Variants in KLHL22 observed in about 807,000 individuals in gnomAD.
KLHL22 encodes kelch like family member 22.
Under a neutral mutation model 60.7 loss-of-function variants are expected in KLHL22, and 18 were observed. The observed-to-expected ratio is 0.30, with a 90% CI of 0.20 to 0.44. The LOEUF is 0.44. Ranked by LOEUF, KLHL22 falls within the 20% of genes least tolerant of loss-of-function variation. KLHL22 has a pLI of 1.00. For missense variants in KLHL22, 596 were observed against 852.3 expected (o/e 0.70, Z 3.74); for synonymous variants, 355 against 354.5 (o/e 1.00, Z -0.01).
At chr22:20,483,609 G>T in intron 2 of KLHL22, 1 of 726,832 alleles carries the variant, frequency 1.4e-6, no homozygotes. Flanking sequence ...TCTCATACTT[G>T]ACTCTAAAGT....
At chr22:20,467,751 C>A (rs772441806) in intron 3 of KLHL22, among the ~76,000 whole-genome samples, 1 of 152,138 alleles carries the variant, frequency 6.6e-6, no homozygotes, top group Non-Finnish European at 1.5e-5. Flanking sequence ...CTCCGCCTCC[C>A]GGGTTCACGC....
chr22:20,451,105 C>G, intron 5 of KLHL22: 2 of 1,480,560 alleles, frequency 1.4e-6, no homozygotes, highest in Non-Finnish European at 1.9e-6. Context: ...CCTACATGAC[C>G]AGATCTACGT....
intron 3 of KLHL22, among the ~76,000 whole-genome samples, chr22:20,468,250 T>C (rs1036238766): frequency 1.3e-5 from 2 of 152,236 alleles, no homozygotes; most frequent in African/African-American, 2.4e-5. Context: ...AGACCAAGTT[T>C]TGGGCAGAAT....
At chr22:20,453,352 CA>C (rs1218955847) in intron 5 of KLHL22, among the ~76,000 whole-genome samples, 1 of 151,916 alleles carries the variant, frequency 6.6e-6, no homozygotes, top group Non-Finnish European at 1.5e-5. Context: ...GGTTGATATC[CA>C]TTTTTTTGCC....
chr22:20,486,166 CAAAAAA>C lies in KLHL22; in HGVS notation c.227+2813_227+2818del, dbSNP rs200248872. On this transcript the variant is annotated intron_variant, in intron 2 of 6. Coordinates refer to ENST00000328879, the MANE Select transcript of KLHL22 (RefSeq NM_032775.4). ...TGGGTGACAGAGTGAGATTCCGTCT[CAAAAAA>C]AAAAAAAAAAAAAGAAATTTATGTT... Among the ~76,000 whole-genome samples the C allele has an allele frequency of 2.6e-3, 215 of 82,612 alleles. 2 individuals are homozygous for C. Among genetic ancestry groups the C allele is most frequent in the East Asian group, 2.7e-3 (8 of 2,990 alleles). 54.2% of individuals were successfully genotyped at this position (82,612 alleles called of 152,430 possible).
chr22:20,450,834 G>T, intron 5 of KLHL22: 1 of 1,567,114 alleles, frequency 6.4e-7, no homozygotes, highest in Non-Finnish European at 8.8e-7. Context: ...TAGATGCTGA[G>T]CCTTTCATCC....
intron 5 of KLHL22, chr22:20,456,499 C>G (rs2053064786): frequency 6.6e-6 from 1 of 152,200 alleles, no homozygotes; most frequent in African/African-American, 2.4e-5. Flanking sequence ...CTAAGCCCCT[C>G]CCACAACACC....
At chr22:20,474,048 G>T (rs150330500) in intron 2 of KLHL22, among the ~76,000 whole-genome samples, 6 of 152,228 alleles carry the variant, frequency 3.9e-5, no homozygotes, top group Non-Finnish European at 8.8e-5. Flanking sequence ...TGCCTGGGCT[G>T]GAGTGCAGTG....
intron 2 of KLHL22, among the ~76,000 whole-genome samples, chr22:20,484,394 A>C (rs972444826): frequency 6.6e-6 from 1 of 152,108 alleles, no homozygotes; most frequent in African/African-American, 2.4e-5. Flanking sequence ...TCCCAGGCTC[A>C]AGCGATTCTT....
intron 5 of KLHL22, among the ~76,000 whole-genome samples, chr22:20,449,024 C>G (rs1300818417): frequency 6.6e-6 from 1 of 151,574 alleles, no homozygotes; most frequent in Non-Finnish European, 1.5e-5. Context: ...GTTTCTTCAA[C>G]TCTTTTGCCT....
chr22:20,467,409 C>T (rs2053251867), intron 3 of KLHL22, among the ~76,000 whole-genome samples: 1 of 152,184 alleles, frequency 6.6e-6, no homozygotes, highest in African/African-American at 2.4e-5. Context: ...TCACTCTATA[C>T]ATAAGTTCCC....
At chr22:20,447,538 G>GTTT (rs576880670) in intron 5 of KLHL22, among the ~76,000 whole-genome samples, 2 of 137,358 alleles carry the variant, frequency 1.5e-5, no homozygotes, top group East Asian at 2.9e-4. Flanking sequence ...GTCTGGGGAG[G>GTTT]TTTTTCTTTT....
chr22:20,443,390 G>T (rs2052796860), intron 6 of KLHL22, among the ~76,000 whole-genome samples: 1 of 152,066 alleles, frequency 6.6e-6, no homozygotes, highest in Non-Finnish European at 1.5e-5. Flanking sequence ...ACCCTGAGAT[G>T]GGGCAGTTTT....
rs77686432 is a variant in KLHL22 at position 20,462,059 on chromosome 22, T to C, written c.1112+2799A>G. On this transcript the variant is annotated intron_variant, in intron 4 of 6. Transcript: ENST00000328879. ...GTTGTGGTGAGCCAAGATTGCACCA[T>C]TGCACTCCAGCCTGGGCAGAAAACA... 4.5e-4 allele frequency among the ~76,000 whole-genome samples: 68 copies of C among 151,430 alleles called. 1 individual carries two copies. The East Asian group carries it at 0.012, about 26-fold the overall frequency.
At chr22:20,488,638 ATGCATACAC>A in intron 2 of KLHL22, 1 of 274,150 alleles carries the variant, frequency 3.6e-6, no homozygotes, top group East Asian at 1.0e-4. Context: ...CCAGAAGGTG[ATGCATACAC>A]AGCAATAATT....
At chr22:20,456,662 T>C (rs1361885358) in intron 5 of KLHL22, among the ~76,000 whole-genome samples, 1 of 152,256 alleles carries the variant, frequency 6.6e-6, no homozygotes, top group Non-Finnish European at 1.5e-5. Context: ...AGAGGCTTCC[T>C]TCTCCCCAAA....
At chr22:20,449,616 G>C (rs199517216) in intron 5 of KLHL22, among the ~76,000 whole-genome samples, 2 of 150,992 alleles carry the variant, frequency 1.3e-5, no homozygotes, top group East Asian at 4.0e-4. Flanking sequence ...GGCCAGGCTG[G>C]TCTCTGGTCT....
Position 20,442,610 on chromosome 22 carries a change from G to A in KLHL22, c.1540-172C>T, listed in dbSNP as rs541340015. Among the ~76,000 whole-genome samples the A allele has an allele frequency of 4.6e-5, 7 of 152,380 alleles. No homozygotes were observed. In the South Asian group the frequency reaches 1.0e-3, roughly 23 times the overall value. On this transcript the variant is annotated intron_variant, in intron 6 of 6. Coordinates refer to ENST00000328879, the MANE Select transcript of KLHL22 (RefSeq NM_032775.4). ...AAACATCCTGTCCATGGGCCAGGCT[G>A]CTGCTTTCTCACCCAGGGATGGCCG... is the stretch of plus-strand genomic sequence containing the variant.
chr22:20,493,367 G>C (rs1315058199), intron 1 of KLHL22: 1 of 396,248 alleles, frequency 2.5e-6, no homozygotes, highest in African/African-American at 2.1e-5. Flanking sequence ...GCACAGCACA[G>C]GGTGCAACAT....
Sources: allele counts gnomAD v4.1 joint callset (sites outside exome capture counted in the v4.1 genomes callset), GRCh38; gene constraint gnomAD v4.1.1; transcripts MANE v1.5; gene names NCBI Gene and HGNC (gene_info 2026-07-23, HGNC 2026-07-21).